Variants in NRXN1 observed in about 807,000 individuals in gnomAD.
NRXN1 encodes neurexin 1.
A neutral mutation model predicts 150.9 loss-of-function variants in NRXN1; 39 were observed. That is an observed-to-expected ratio of 0.26 (90% confidence interval 0.20 to 0.34). The LOEUF (loss-of-function observed/expected upper bound fraction) is 0.34. Among genes scored for constraint, NRXN1 ranks in the 10% least tolerant of loss-of-function variants. The pLI is 1.00. For missense variants in NRXN1, 1,815 were observed against 1,949.9 expected, an observed-to-expected ratio of 0.93 and a Z score of 1.30; for synonymous variants, 924 against 757.0, an observed-to-expected ratio of 1.22 and a Z score of -3.62.
intron 17 of NRXN1, among the ~76,000 whole-genome samples, chr2:50,275,087 G>T (rs1207999919): frequency 6.6e-6 from 1 of 152,136 alleles, no homozygotes; most frequent in East Asian, 1.9e-4. Flanking sequence ...CACTCCATTT[G>T]TTCTGCTCCT....
chr2:50,264,589 A>T (rs912771791), intron 17 of NRXN1, among the ~76,000 whole-genome samples: 7 of 152,008 alleles, frequency 4.6e-5, no homozygotes, highest in African/African-American at 1.7e-4. Context: ...TGTATAATAA[A>T]TCAATGCAAG....
At chr2:50,231,669 C>T (rs1423635717) in intron 18 of NRXN1, among the ~76,000 whole-genome samples, 1 of 152,074 alleles carries the variant, frequency 6.6e-6, no homozygotes, top group Non-Finnish European at 1.5e-5. Flanking sequence ...TCCCCTCCTC[C>T]ACCCTCAGTG....
chr2:50,526,300 A>G (rs2092950046), intron 12 of NRXN1, among the ~76,000 whole-genome samples: 1 of 152,210 alleles, frequency 6.6e-6, no homozygotes, highest in South Asian at 2.1e-4. Context: ...AAAGATATCA[A>G]TTGAGGTATT....
intron 17 of NRXN1, among the ~76,000 whole-genome samples, chr2:50,291,572 T>C (rs908870498): frequency 6.6e-6 from 1 of 152,096 alleles, no homozygotes; most frequent in Non-Finnish European, 1.5e-5. Flanking sequence ...CTCCCATGGA[T>C]CACAAGGGAA....
intron 19 of NRXN1, among the ~76,000 whole-genome samples, chr2:50,068,580 T>C (rs892666082): frequency 6.6e-6 from 1 of 152,160 alleles, no homozygotes; most frequent in Non-Finnish European, 1.5e-5. Flanking sequence ...TTAACCTCAG[T>C]TTTCTCATCT....
intron 8 of NRXN1, among the ~76,000 whole-genome samples, chr2:50,590,201 C>A (rs1418304731): frequency 2.0e-5 from 3 of 152,008 alleles, no homozygotes. Flanking sequence ...TAAATCACAG[C>A]CCTCAAATAA....
chr2:50,985,273 A>G (rs760326571), intron 2 of NRXN1: 28 of 151,996 alleles, frequency 1.8e-4, no homozygotes, highest in African/African-American at 2.4e-4. Flanking sequence ...AATGATTACT[A>G]TACATTTAAA....
intron 17 of NRXN1, among the ~76,000 whole-genome samples, chr2:50,307,174 G>A (rs571076581): frequency 3.3e-5 from 5 of 151,956 alleles, no homozygotes; most frequent in Non-Finnish European, 5.9e-5. Context: ...TAGTAGAGAC[G>A]GAGTTTTACA....
chr2:50,110,741 A>C (rs551148514), intron 18 of NRXN1, among the ~76,000 whole-genome samples: 1 of 152,232 alleles, frequency 6.6e-6, no homozygotes, highest in East Asian at 1.9e-4. Context: ...AGTGGTTACC[A>C]AATAGAATTC....
At chr2:50,132,533 TTGAC>T (rs1232517916) in intron 18 of NRXN1, among the ~76,000 whole-genome samples, 1 of 152,066 alleles carries the variant, frequency 6.6e-6, no homozygotes, top group Non-Finnish European at 1.5e-5. Flanking sequence ...TCTTGATCTC[TTGAC>T]TTTGTGATCT....
At chr2:50,085,812 G>A (rs564346499) in intron 19 of NRXN1, among the ~76,000 whole-genome samples, 31 of 152,162 alleles carry the variant, frequency 2.0e-4, no homozygotes, top group African/African-American at 6.7e-4. Flanking sequence ...CTGTGACATC[G>A]ACTGATACAG....
intron 18 of NRXN1, among the ~76,000 whole-genome samples, chr2:50,123,918 T>C (rs994206756): frequency 6.6e-6 from 1 of 151,912 alleles, no homozygotes; most frequent in African/African-American, 2.4e-5. Context: ...AATCAGGTAA[T>C]AAAAAGGGGA....
At chr2:50,174,079 T>C (rs2152803945) in intron 18 of NRXN1, among the ~76,000 whole-genome samples, 2 of 152,292 alleles carry the variant, frequency 1.3e-5, no homozygotes, top group Admixed American at 1.3e-4. Context: ...ATACATAAAA[T>C]AGAGCTTCTC....
intron 8 of NRXN1, among the ~76,000 whole-genome samples, chr2:50,573,150 G>T (rs537087949): frequency 6.6e-6 from 1 of 151,998 alleles, no homozygotes; most frequent in Non-Finnish European, 1.5e-5. Context: ...CAGGAGGATT[G>T]CTTGAGCTCA....
At chr2:50,279,243 G>C (rs1466908002) in intron 17 of NRXN1, among the ~76,000 whole-genome samples, 1 of 152,096 alleles carries the variant, frequency 6.6e-6, no homozygotes, top group African/African-American at 2.4e-5. Flanking sequence ...TAAGGTACTG[G>C]TCATCATCAA....
In NRXN1 at chr2:50,028,475, G is replaced by C. The variant is rs546769567; in HGVS notation, c.4128+24796C>G. On this transcript the variant is annotated intron_variant, in intron 21 of 22. Coordinates refer to ENST00000401669, the MANE Select transcript of NRXN1 (RefSeq NM_001330078.2). ...GCCATATCTAGTCTCACTCCCTATA[G>C]AGAGAAAATCAACAGCATAGTGTGT... Among the ~76,000 whole-genome samples the C allele has an allele frequency of 2.6e-5, 4 of 152,264 alleles. No homozygotes were observed. In the East Asian group the frequency reaches 7.7e-4, roughly 29 times the overall value.
chr2:50,560,459 T>TATTTATTTATTTATTTATTTATTG (rs146788159), intron 8 of NRXN1, among the ~76,000 whole-genome samples: 1 of 150,072 alleles, frequency 6.7e-6, no homozygotes, highest in African/African-American at 2.5e-5. Context: ...TTTATTTACT[T>TATTTATTTATTTATTTATTTATTG]AGAAGCCGTC....
intron 5 of NRXN1, among the ~76,000 whole-genome samples, chr2:50,874,610 A>C (rs1451471215): frequency 1.3e-5 from 2 of 151,866 alleles, no homozygotes; most frequent in East Asian, 1.9e-4. Context: ...AGTAGTAATA[A>C]AAGTAATAAA....
At chr2:50,524,520 T>A (rs201589760) in intron 12 of NRXN1, among the ~76,000 whole-genome samples, 3 of 137,402 alleles carry the variant, frequency 2.2e-5, no homozygotes, top group South Asian at 2.3e-4. Context: ...AATAAATAAA[T>A]AAAATAAAAT....
Sources: allele counts gnomAD v4.1 joint callset (sites outside exome capture counted in the v4.1 genomes callset), GRCh38; gene constraint gnomAD v4.1.1; transcripts MANE v1.5; gene names NCBI Gene and HGNC (gene_info 2026-07-23, HGNC 2026-07-21).